Variants in CPEB1 observed in about 807,000 individuals in gnomAD.
CPEB1 encodes the protein cytoplasmic polyadenylation element-binding protein 1.
CPEB1 carries 7 observed loss-of-function variants against 65.8 expected under a neutral mutation model. The observed-to-expected ratio is 0.11, with a 90% CI of 0.06 to 0.20. CPEB1 has a LOEUF of 0.20. CPEB1 is among the 10% of genes least tolerant of loss of function. The pLI, the probability that CPEB1 is intolerant of heterozygous loss-of-function variation, is 1.00. For synonymous variants in CPEB1, 262 were observed against 260.0 expected (o/e 1.01, Z -0.08); for missense variants, 551 against 712.2 (o/e 0.77, Z 2.58).
chr15:82,555,994 G>A lies in CPEB1; in HGVS notation c.816C>T (p.Pro272=). 1.2e-6 allele frequency: 2 copies of A among 1,613,868 alleles called. No individual in the cohort carries two copies. The highest frequency in any genetic ancestry group is 2.2e-5 in the East Asian group (1 of 44,838). The change falls in exon 6 of 13, where the codon CCC becomes CCT. Residue 272 remains proline (P), a synonymous_variant. Coordinates refer to ENST00000684509, the MANE Select transcript of CPEB1 (RefSeq NM_001365242.1). ...ATCTCTTTGAAGCACTGGTTGGGGA[G>A]GGAGTGACTGCAGCAAGAGCAGCTT... is the stretch of plus-strand genomic sequence containing the variant. ...QEQAALAAVT[P]SPTSASKRWP... is the part of the protein sequence containing the mutation.
intron 1 of CPEB1, chr15:82,640,525 C>T (rs761692242): frequency 6.6e-6 from 1 of 152,022 alleles, no homozygotes; most frequent in Non-Finnish European, 1.5e-5. Flanking sequence ...CTAGAATGTC[C>T]TTCCCACTCC....
chr15:82,584,222 G>T (rs2041556473), intron 3 of CPEB1, among the ~76,000 whole-genome samples: 1 of 122,888 alleles, frequency 8.1e-6, no homozygotes, highest in Non-Finnish European at 1.6e-5. Context: ...TCGCACCACT[G>T]CACTCCAGCC....
intron 4 of CPEB1, among the ~76,000 whole-genome samples, chr15:82,569,438 T>C (rs1477385565): frequency 6.6e-6 from 1 of 152,236 alleles, no homozygotes; most frequent in Non-Finnish European, 1.5e-5. Flanking sequence ...TTATGAATTC[T>C]GAGGCTCAGG....
chr15:82,643,991 T>A (rs1271310669), intron 1 of CPEB1, among the ~76,000 whole-genome samples: 1 of 152,128 alleles, frequency 6.6e-6, no homozygotes, highest in African/African-American at 2.4e-5. Flanking sequence ...AAAAAGTTAG[T>A]ACTGAAATTT....
At chr15:82,571,565 G>C (rs1436386238) in intron 3 of CPEB1, 33 bp from the exon 4 acceptor site, 1 of 1,595,390 alleles carries the variant, frequency 6.3e-7, no homozygotes, top group Non-Finnish European at 8.5e-7. Context: ...AGAAACCTCA[G>C]AGTTAAGGGC....
chr15:82,600,965 C>CGCAACCTCCGCTCACT (rs1394120332), intron 3 of CPEB1, among the ~76,000 whole-genome samples: 1 of 135,798 alleles, frequency 7.4e-6, no homozygotes, highest in African/African-American at 2.8e-5. Context: ...AGTGCAGTGG[C>CGCAACCTCCGCTCACT]GCAACCTCCG....
At chr15:82,568,626 T>C (rs1285744512) in intron 4 of CPEB1, among the ~76,000 whole-genome samples, 1 of 152,190 alleles carries the variant, frequency 6.6e-6, no homozygotes, top group Non-Finnish European at 1.5e-5. Context: ...CTCTGGCCCC[T>C]GGAGAATGGT....
rs186848435 is a variant in CPEB1, at chr15:82,632,762, C to G, written c.-97-4206G>C. 3.9e-4 allele frequency among the ~76,000 whole-genome samples: 60 copies of G among 152,046 alleles called. 1 individual carries two copies. In the East Asian group the frequency reaches 0.011, roughly 27 times the overall value. Reference sequence around the variant, plus strand: ...CAGGCTGGTCTTGAATTCCCGGGCTCAAGCGCTGCTCCTGCCTCAGCCTCT... The same window carrying G: ...CAGGCTGGTCTTGAATTCCCGGGCTGAAGCGCTGCTCCTGCCTCAGCCTCT... On this transcript the variant is annotated intron_variant, in intron 1 of 12. Transcript: ENST00000684509.
intron 3 of CPEB1, 125 bp downstream of exon 3, chr15:82,627,068 G>A (rs1017317574): frequency 1.4e-6 from 1 of 714,974 alleles, no homozygotes; most frequent in Non-Finnish European, 2.1e-6. Flanking sequence ...CCACAAAAAG[G>A]CAAGTATTGC....
intron 1 of CPEB1, among the ~76,000 whole-genome samples, chr15:82,641,874 ATT>A (rs2151386194): frequency 6.6e-6 from 1 of 152,142 alleles, no homozygotes; most frequent in Admixed American, 6.5e-5. Flanking sequence ...TCAAAACCAC[ATT>A]ATATATTAGG....
intron 3 of CPEB1, among the ~76,000 whole-genome samples, chr15:82,599,230 C>T (rs961822379): frequency 6.6e-6 from 1 of 152,072 alleles, no homozygotes; most frequent in Non-Finnish European, 1.5e-5. Context: ...AGATTGGAAA[C>T]ACTCCTCACT....
chr15:82,583,189 C>T (rs1173408288), intron 3 of CPEB1, among the ~76,000 whole-genome samples: 7 of 152,254 alleles, frequency 4.6e-5, no homozygotes, highest in Admixed American at 2.6e-4. Context: ...GCAAAAAAGA[C>T]GACTGCTGAT....
At chr15:82,559,190 T>C (rs1435814142) in intron 4 of CPEB1, among the ~76,000 whole-genome samples, 1 of 152,128 alleles carries the variant, frequency 6.6e-6, no homozygotes, top group African/African-American at 2.4e-5. Context: ...CTCTCAAGAC[T>C]GAAATCAAAA....
chr15:82,547,390 G>GA lies in CPEB1; in HGVS notation c.1481-154_1481-153insT, dbSNP rs1442722912. On this transcript the variant is annotated intron_variant, in intron 10 of 12. Coordinates refer to ENST00000684509, the MANE Select transcript of CPEB1 (RefSeq NM_001365242.1). ...CTGCTCACTGCAAGCTCTGCCTCCC[G>GA]GTTTCACGCCATTCTCCTGCCTCAG... Among the ~76,000 whole-genome samples the GA allele has an allele frequency of 1.0e-4, 15 of 143,660 alleles. No homozygotes were observed. The East Asian group carries it at 3.1e-3, about 29-fold the overall frequency. 94.2% of individuals were successfully genotyped at this position (143,660 alleles called of 152,430 possible). A position where few individuals can be genotyped will look rare whatever the true frequency, so the allele number is the denominator to read the frequency against.
intron 1 of CPEB1, among the ~76,000 whole-genome samples, chr15:82,637,694 G>A (rs1212890363): frequency 1.1e-4 from 16 of 152,126 alleles, no homozygotes; most frequent in Non-Finnish European, 1.5e-4. Flanking sequence ...AGCCTTTTAA[G>A]ACGTCTTCAT....
intron 3 of CPEB1, among the ~76,000 whole-genome samples, chr15:82,599,187 T>A (rs1037165848): frequency 1.1e-4 from 17 of 152,160 alleles, no homozygotes; most frequent in Non-Finnish European, 2.2e-4. Context: ...TAAAATATTA[T>A]GCAGGAGAAT....
At position 82,571,448 on chromosome 15, in the gene CPEB1, G is replaced by C; in HGVS notation, c.356C>G (p.Ala119Gly). ...CTGCAGGCCAAGGCACAAGTCATTT[G>C]CATCTGGGAGGCCACGGGAAGATTC... ...AQESSRGLPDANDLCLGLQSL... is the reference protein window; with the variant it reads ...AQESSRGLPDGNDLCLGLQSL... Residue 119 changes from alanine (A) to glycine (G), a missense_variant, in exon 4 of 13, where the codon GCA (alanine) becomes GGA (glycine). Physicochemically the swap from Ala to Gly is moderately conservative, Grantham distance 60 (BLOSUM62 0). This residue lies in a region of CPEB1 where 223 missense variants were observed against 228.6 expected (regional missense o/e 0.98). Transcript: ENST00000684509. 4.3e-6 allele frequency: 7 copies of C among 1,614,184 alleles called. No homozygotes were observed. The highest frequency in any genetic ancestry group is 5.1e-6 in the Non-Finnish European group (6 of 1,180,028).
intron 3 of CPEB1, among the ~76,000 whole-genome samples, chr15:82,581,731 C>T (rs770504768): frequency 6.6e-6 from 1 of 152,072 alleles, no homozygotes; most frequent in Non-Finnish European, 1.5e-5. Flanking sequence ...ATTCATGAAT[C>T]CCCAATGTTT....
chr15:82,637,968 CA>C (rs1020942567), intron 1 of CPEB1: 58 of 450,502 alleles, frequency 1.3e-4, no homozygotes, highest in South Asian at 7.9e-5. Flanking sequence ...TTTTCCAAGA[CA>C]AAAAAAATTT....
Sources: allele counts gnomAD v4.1 joint callset (sites outside exome capture counted in the v4.1 genomes callset), GRCh38; gene constraint gnomAD v4.1.1; regional missense constraint gnomAD v4.1.1; transcripts MANE v1.5; gene names NCBI Gene and HGNC (gene_info 2026-07-23, HGNC 2026-07-21).